PHLPP1: variants seen among roughly 807,000 people sequenced by gnomAD.
The protein encoded by PHLPP1 is PH domain and leucine rich repeat protein phosphatase 1, also known as PH domain leucine-rich repeat-containing protein phosphatase 1.
In PHLPP1, 42 loss-of-function variants were observed where a neutral mutation model predicts 117.2. The observed-to-expected ratio is 0.36, with a 90% confidence interval of 0.28 to 0.46. The LOEUF is 0.46. PHLPP1 is among the 20% of genes least tolerant of loss of function. PHLPP1 has a pLI of 1.00. For missense variants in PHLPP1, 2,084 were observed against 2,241.9 expected (o/e 0.93, Z 1.42); for synonymous variants, 1,042 against 970.7 (o/e 1.07, Z -1.37).
rs186525238 is a variant in PHLPP1 at position 62,784,008 on chromosome 18, A to G, written c.1577-46027A>G. Among the ~76,000 whole-genome samples the G allele has an allele frequency of 1.0e-3, 156 of 151,588 alleles. 1 individual carries two copies. The highest frequency in any genetic ancestry group is 3.6e-3 in the African/African-American group (148 of 41,516). ...GCTGAAGCTGCTGGCTACAGCTCAG[A>G]GCACTTGTAACTCCAGACCCAGGCT... On this transcript the variant is annotated intron_variant, in intron 1 of 16. Transcript: ENST00000262719.
At chr18:62,733,947 C>G (rs142081993) in intron 1 of PHLPP1, among the ~76,000 whole-genome samples, 1 of 152,118 alleles carries the variant, frequency 6.6e-6, no homozygotes, top group Non-Finnish European at 1.5e-5. Context: ...GCCTTTTTAT[C>G]ACTTGAATCG....
Position 62,935,224 on chromosome 18 carries a change from GTATACACAAACA to G in PHLPP1, c.2961-6491_2961-6480del, listed in dbSNP as rs1599129683. On this transcript the variant is annotated intron_variant, in intron 10 of 16. Coordinates refer to ENST00000262719, the MANE Select transcript of PHLPP1 (RefSeq NM_194449.4). The stretch of plus-strand genomic sequence containing the variant: ...TAATATGCAGAAATCAAAAGCCTTT[GTATACACAAACA>G]TAGCCATTGGAAGACATATTATATT... Among the ~76,000 whole-genome samples, 4 of 152,264 alleles carry G rather than the reference GTATACACAAACA, an allele frequency of 2.6e-5. No homozygotes were observed. The East Asian group carries it at 7.7e-4, about 29-fold the overall frequency.
intron 4 of PHLPP1, among the ~76,000 whole-genome samples, chr18:62,890,426 C>T (rs1305585849): frequency 2.6e-5 from 4 of 151,988 alleles, no homozygotes; most frequent in African/African-American, 4.8e-5. Flanking sequence ...CCACCACGCT[C>T]GGCTAATTTT....
intron 14 of PHLPP1, among the ~76,000 whole-genome samples, chr18:62,967,822 A>G (rs1221074635): frequency 7.1e-6 from 1 of 140,706 alleles, no homozygotes; most frequent in Non-Finnish European, 1.6e-5. Context: ...GATGTAGTAT[A>G]TTTTTCTTTT....
chr18:62,829,249 A>T (rs1914690849), intron 1 of PHLPP1, among the ~76,000 whole-genome samples: 1 of 152,176 alleles, frequency 6.6e-6, no homozygotes, highest in South Asian at 2.1e-4. Flanking sequence ...TGTTTCCTTT[A>T]CAGTAAATAT....
At chr18:62,775,680 T>A (rs1370883896) in intron 1 of PHLPP1, among the ~76,000 whole-genome samples, 1 of 152,214 alleles carries the variant, frequency 6.6e-6, no homozygotes, top group Non-Finnish European at 1.5e-5. Flanking sequence ...GTTGTCCACT[T>A]TTAGCTATAA....
intron 12 of PHLPP1, among the ~76,000 whole-genome samples, chr18:62,948,032 AT>A (rs1910349949): frequency 6.6e-6 from 1 of 152,146 alleles, no homozygotes; most frequent in South Asian, 2.1e-4. Context: ...TCTCAAAAAA[AT>A]AAATAAATAA....
At chr18:62,904,397 T>TA (rs1916796077) in intron 7 of PHLPP1, among the ~76,000 whole-genome samples, 1 of 152,234 alleles carries the variant, frequency 6.6e-6, no homozygotes, top group African/African-American at 2.4e-5. Context: ...TTAAGGCAGT[T>TA]AATGTGAAAA....
chr18:62,980,040 G>A lies in PHLPP1; in HGVS notation c.*609G>A, dbSNP rs2144497999. 2.0e-5 allele frequency: 3 copies of A among 152,924 alleles called. 1 individual carries two copies. The highest frequency in any genetic ancestry group is 6.8e-3 in the Middle Eastern group (2 of 294). The allele number at this position is 152,924 out of a possible 1,614,324, so 9.5% of individuals were successfully genotyped here. A position where few individuals can be genotyped will look rare whatever the true frequency, so the allele number is the denominator to read the frequency against. ...AAATAGCTCAGTGTTGTATAGTGAG[G>A]CTTACGATGTTTTGTAGTCTTGGCG... On this transcript the variant is annotated 3_prime_UTR_variant, in exon 17 of 17. Transcript: ENST00000262719.
At chr18:62,869,133 T>C (rs1915839077) in intron 4 of PHLPP1, among the ~76,000 whole-genome samples, 1 of 152,206 alleles carries the variant, frequency 6.6e-6, no homozygotes, top group South Asian at 2.1e-4. Flanking sequence ...ACCTCCCTGA[T>C]GCTTTGACAG....
rs1599107921 is a variant in PHLPP1, at chr18:62,895,670, A to G, written c.2214-111A>G. On this transcript the variant is annotated intron_variant, in intron 5 of 16. Coordinates refer to ENST00000262719, the MANE Select transcript of PHLPP1 (RefSeq NM_194449.4). Reference sequence around the variant, plus strand: ...GGCCCTGCCCTTAGGCATTTTGCGAAGAATAATACATTTTCTGGTAATACG... The same window carrying G: ...GGCCCTGCCCTTAGGCATTTTGCGAGGAATAATACATTTTCTGGTAATACG... 4.2e-6 allele frequency: 3 copies of G among 716,774 alleles called. No individual in the cohort carries two copies. The East Asian group carries it at 7.6e-5, about 18-fold the overall frequency. 44.4% of individuals were successfully genotyped at this position (716,774 alleles called of 1,614,324 possible).
At chr18:62,963,011 T>G (rs1167637817) in intron 13 of PHLPP1, among the ~76,000 whole-genome samples, 2 of 152,208 alleles carry the variant, frequency 1.3e-5, no homozygotes, top group African/African-American at 4.8e-5. Context: ...ATTCATGGTG[T>G]AAGAATACAC....
intron 4 of PHLPP1, among the ~76,000 whole-genome samples, chr18:62,882,654 A>G (rs1313129116): frequency 6.6e-6 from 1 of 152,222 alleles, no homozygotes; most frequent in Non-Finnish European, 1.5e-5. Context: ...TTCTAAAGAT[A>G]AAAAAGAAAA....
chr18:62,835,773 G>C (rs1175786904), intron 2 of PHLPP1, among the ~76,000 whole-genome samples: 1 of 137,874 alleles, frequency 7.3e-6, no homozygotes, highest in Non-Finnish European at 1.6e-5. Flanking sequence ...AATTCAACTG[G>C]TTCTTTTTTT....
At chr18:62,872,045 T>C (rs966023157) in intron 4 of PHLPP1, among the ~76,000 whole-genome samples, 15 of 152,146 alleles carry the variant, frequency 9.9e-5, no homozygotes, top group Non-Finnish European at 1.9e-4. Flanking sequence ...GGCAAAACTT[T>C]ACCCGTACCC....
chr18:62,876,648 G>A (rs1030142114), intron 4 of PHLPP1, among the ~76,000 whole-genome samples: 12 of 152,094 alleles, frequency 7.9e-5, no homozygotes, highest in African/African-American at 1.7e-4. Flanking sequence ...TTTGAGCAGC[G>A]GAACCATTTC....
intron 1 of PHLPP1, among the ~76,000 whole-genome samples, chr18:62,777,328 A>G (rs1053238613): frequency 1.3e-5 from 2 of 152,116 alleles, no homozygotes; most frequent in Non-Finnish European, 2.9e-5. Context: ...TGTGCCATTC[A>G]GATATCTTCA....
intron 2 of PHLPP1, among the ~76,000 whole-genome samples, chr18:62,834,105 G>A (rs895309517): frequency 2.6e-5 from 4 of 152,090 alleles, no homozygotes; most frequent in Admixed American, 6.6e-5. Flanking sequence ...AGTGGGGTTG[G>A]GGGGTGGGCG....
At chr18:62,940,718 G>C (rs910701128) in intron 10 of PHLPP1, among the ~76,000 whole-genome samples, 1 of 151,964 alleles carries the variant, frequency 6.6e-6, no homozygotes, top group Non-Finnish European at 1.5e-5. Flanking sequence ...ATATTATCTT[G>C]TTTGTTTGTT....
Sources: allele counts gnomAD v4.1 joint callset (sites outside exome capture counted in the v4.1 genomes callset), GRCh38; gene constraint gnomAD v4.1.1; transcripts MANE v1.5; gene names NCBI Gene and HGNC (gene_info 2026-07-23, HGNC 2026-07-21).